Variants in LHPP observed in about 807,000 individuals in gnomAD.
LHPP encodes the protein hLHPP.
In LHPP, 24 loss-of-function variants were observed where a neutral mutation model predicts 30.3. The observed-to-expected ratio is 0.79, with a 90% confidence interval of 0.57 to 1.11. The LOEUF is 1.11. LHPP is among the 50% of genes most tolerant of loss of function. The pLI is 0.00. For synonymous variants in LHPP, 150 were observed against 157.1 expected, an observed-to-expected ratio of 0.95 and a Z score of 0.34; for missense variants, 356 against 367.2, an observed-to-expected ratio of 0.97 and a Z score of 0.25.
chr10:124,495,150 C>G (rs1589791669), intron 3 of LHPP, among the ~76,000 whole-genome samples: 1 of 152,136 alleles, frequency 6.6e-6, no homozygotes, highest in Non-Finnish European at 1.5e-5. Context: ...ATTTCTAAGC[C>G]TGTTTTTGGG....
At chr10:124,515,963 C>G (rs921434726) in intron 5 of LHPP, among the ~76,000 whole-genome samples, 26 of 152,362 alleles carry the variant, frequency 1.7e-4, no homozygotes, top group East Asian at 1.4e-3. Flanking sequence ...CTCCATGCAG[C>G]CTTCTCCTCT....
At chr10:124,526,338 C>A in intron 6 of LHPP, 2 of 603,930 alleles carry the variant, frequency 3.3e-6, no homozygotes, top group Non-Finnish European at 4.2e-6. Context: ...CTGCAACAGC[C>A]CAGAGAAGCC....
chr10:124,552,127 C>A (rs374335486), intron 6 of LHPP, among the ~76,000 whole-genome samples: 40 of 152,192 alleles, frequency 2.6e-4, no homozygotes, highest in African/African-American at 9.2e-4. Flanking sequence ...CTGCCCCTGC[C>A]CTCCTGCGCT....
intron 5 of LHPP, among the ~76,000 whole-genome samples, chr10:124,508,954 G>A (rs971770990): frequency 1.3e-4 from 20 of 152,100 alleles, no homozygotes; most frequent in African/African-American, 4.6e-4. Context: ...GGGGTTTGGT[G>A]TGCAGATTAT....
intron 2 of LHPP, among the ~76,000 whole-genome samples, chr10:124,486,044 A>G (rs1181620553): frequency 1.3e-5 from 2 of 152,200 alleles, no homozygotes; most frequent in African/African-American, 2.4e-5. Flanking sequence ...AGACACGGGT[A>G]TACTCCCCTA....
chr10:124,564,975 A>C (rs181552249), intron 6 of LHPP, among the ~76,000 whole-genome samples: 1 of 152,364 alleles, frequency 6.6e-6, no homozygotes, highest in African/African-American at 2.4e-5. Flanking sequence ...ACGCAAAGGC[A>C]TGAGAATGAT....
intron 5 of LHPP, among the ~76,000 whole-genome samples, chr10:124,515,939 C>A (rs930073964): frequency 6.6e-6 from 1 of 152,236 alleles, no homozygotes; most frequent in African/African-American, 2.4e-5. Context: ...CCTCCACGAT[C>A]TCCACAGCTC....
intron 6 of LHPP, among the ~76,000 whole-genome samples, chr10:124,527,785 G>GT (rs1554887279): frequency 3.3e-5 from 5 of 149,362 alleles, no homozygotes; most frequent in Non-Finnish European, 5.9e-5. Flanking sequence ...TTTTTTTTTT[G>GT]TTTTTTTCTT....
At chr10:124,548,195 C>CA (rs1554890560) in intron 6 of LHPP, among the ~76,000 whole-genome samples, 3 of 151,832 alleles carry the variant, frequency 2.0e-5, no homozygotes, top group African/African-American at 4.8e-5. Flanking sequence ...CCTTGGGGCC[C>CA]GGCCACTCCA....
chr10:124,574,980 C>G (rs183819022), intron 6 of LHPP, among the ~76,000 whole-genome samples: 139 of 152,280 alleles, frequency 9.1e-4, no homozygotes, highest in African/African-American at 2.7e-3. Context: ...CCCCTGAGCT[C>G]AGAAGCTGCC....
chr10:124,546,933 A>G (rs7073611), intron 6 of LHPP, among the ~76,000 whole-genome samples: 15,804 of 152,004 alleles, frequency 0.1, 1,086 homozygotes, highest in Middle Eastern at 0.15. Context: ...CTCTTTCACT[A>G]TGGTTTTCAT....
chr10:124,577,172 C>T (rs1401012648), intron 6 of LHPP, among the ~76,000 whole-genome samples: 1 of 152,142 alleles, frequency 6.6e-6, no homozygotes, highest in Non-Finnish European at 1.5e-5. Flanking sequence ...GGAGAAGGGC[C>T]AGGTAGGCTG....
chr10:124,565,612 C>G (rs1948474327), intron 6 of LHPP, among the ~76,000 whole-genome samples: 1 of 152,186 alleles, frequency 6.6e-6, no homozygotes. Context: ...CAGGACGGAG[C>G]CTGACAAGAA....
chr10:124,473,077 A>G (rs1262040511), intron 1 of LHPP, among the ~76,000 whole-genome samples: 1 of 152,058 alleles, frequency 6.6e-6, no homozygotes, highest in African/African-American at 2.4e-5. Flanking sequence ...CCCTGTGAAA[A>G]TCAAGGGCAG....
In LHPP at chr10:124,497,016, G is replaced by A. The variant is rs780854749; in HGVS notation, c.523G>A (p.Ala175Thr). The change falls in exon 4 of 7, where the codon GCG becomes ACG. Residue 175 changes from alanine to threonine, a missense_variant. By Grantham distance (58) the Ala-to-Thr change is moderately conservative. Coordinates refer to ENST00000368842, the MANE Select transcript of LHPP (RefSeq NM_022126.4). ...LMLDVGPYMK[A>T]LEYACGIKAE... is the part of the protein sequence containing the mutation. ...GCTGGACGTTGGTCCCTACATGAAG[G>A]CGCTTGAGGTACCAGCCCTGGTTCT... 4 of 1,613,948 alleles carry A rather than the reference G, an allele frequency of 2.5e-6. No homozygotes were observed. The Admixed American group carries it at 5.0e-5, about 20-fold the overall frequency.
At chr10:124,578,701 C>T (rs559255889) in intron 6 of LHPP, among the ~76,000 whole-genome samples, 1 of 152,204 alleles carries the variant, frequency 6.6e-6, no homozygotes, top group African/African-American at 2.4e-5. Flanking sequence ...GGATGCAGGG[C>T]TTACACCGCG....
At chr10:124,463,830 T>C (rs1952477321) in intron 1 of LHPP, among the ~76,000 whole-genome samples, 1 of 135,132 alleles carries the variant, frequency 7.4e-6, no homozygotes, top group Admixed American at 6.9e-5. Context: ...CTTTTTTTTT[T>C]TTTTTTTTTG....
rs998712168 is a variant in LHPP at position 124,496,705 on chromosome 10, T to C, written c.468-256T>C. On this transcript the variant is annotated intron_variant, in intron 3 of 6. Coordinates refer to ENST00000368842, the MANE Select transcript of LHPP (RefSeq NM_022126.4). This position sits in a 1 kb window ranked among gnomAD's most constrained non-coding sequence, Gnocchi z 4.3. ...GGTCCCCACGAGTCTGACAGCAGGG[T>C]TGCGTTCTGTGCGACCTGTGGCATC... is the stretch of plus-strand genomic sequence containing the variant. Among the ~76,000 whole-genome samples the C allele has an allele frequency of 6.6e-6, 1 of 152,172 alleles. No individual in the cohort carries two copies. Among genetic ancestry groups the C allele is most frequent in the Non-Finnish European group, 1.5e-5 (1 of 68,032 alleles).
rs573387356 is a variant in LHPP at position 124,608,278 on chromosome 10, C to T, written c.717-4986C>T. 3.9e-5 allele frequency among the ~76,000 whole-genome samples: 6 copies of T among 152,322 alleles called. No individual in the cohort carries two copies. In the East Asian group the frequency reaches 7.7e-4, roughly 20 times the overall value. On this transcript the variant is annotated intron_variant, in intron 6 of 6. Transcript: ENST00000368842. ...TGTGTCCGTCCGTCTGCCTGTCTGC[C>T]CCCCACCAGCCTGTGTGCCCAGGGG... is the stretch of plus-strand genomic sequence containing the variant.
Sources: gnomAD v4.1 joint callset for allele counts (sites outside exome capture counted in the v4.1 genomes callset) on GRCh38, gnomAD v4.1.1 for gene constraint, Gnocchi (gnomAD v3.1) non-coding constraint, MANE v1.5 for transcripts, NCBI Gene and HGNC (gene_info 2026-07-23, HGNC 2026-07-21) for gene names.